FAM177B: variants seen among roughly 807,000 people sequenced by gnomAD.
The protein encoded by FAM177B is protein FAM177B.
A neutral mutation model predicts 16.1 loss-of-function variants in FAM177B; 16 were observed. The observed-to-expected ratio is 0.99, with a 90% CI of 0.67 to 1.51. FAM177B has a LOEUF of 1.51. Ranked by LOEUF, FAM177B falls within the 40% of genes most tolerant of loss-of-function variation. The pLI, the probability that FAM177B is intolerant of heterozygous loss-of-function variation, is 0.00. For synonymous variants in FAM177B, 56 were observed against 59.9 expected, an observed-to-expected ratio of 0.93 and a Z score of 0.30; for missense variants, 178 against 183.7, an observed-to-expected ratio of 0.97 and a Z score of 0.18.
At position 222,750,231 on chromosome 1, in the gene FAM177B, C is replaced by G. The variant is rs1267407290; in HGVS notation, c.*173C>G. The G allele has an allele frequency of 2.9e-5, 41 of 1,411,046 alleles. No individual in the cohort carries two copies. Among genetic ancestry groups the G allele is most frequent in the Non-Finnish European group, 3.6e-5 (39 of 1,086,638 alleles). The allele number at this position is 1,411,046 out of a possible 1,614,324, so 87.4% of individuals were successfully genotyped here. A position where few individuals can be genotyped will look rare whatever the true frequency, so the allele number is the denominator to read the frequency against. ...TCTGTGTGACTTAGTCTCAAGCATC[C>G]AGGAATTACAAGCAATAATGAGAGT... On this transcript the variant is annotated 3_prime_UTR_variant, in exon 6 of 6. Transcript: ENST00000445590.
At chr1:222,749,228 G>A in intron 4 of FAM177B, 1 of 468,602 alleles carries the variant, frequency 2.1e-6, no homozygotes, top group South Asian at 2.5e-5. Flanking sequence ...ATATACATCT[G>A]GAAAAAATAG....
Position 222,750,134 on chromosome 1 carries a change from T to G in FAM177B, c.*76T>G. On this transcript the variant is annotated 3_prime_UTR_variant, in exon 6 of 6. Coordinates refer to ENST00000445590, the MANE Select transcript of FAM177B (RefSeq NM_001394345.1). ...GCAAAGACTGCAGTTTCCCTGGATC[T>G]GTTCCTTGGCCATTGATTACCATGG... 6.4e-7 allele frequency: 1 copy of G among 1,565,624 alleles called. No individual in the cohort carries two copies. The highest frequency in any genetic ancestry group is 2.4e-4 in the Middle Eastern group (1 of 4,230).
Position 222,749,058 on chromosome 1 carries a change from G to A in FAM177B, c.242-407G>A, listed in dbSNP as rs777254675. 57 of 472,162 alleles carry A rather than the reference G, an allele frequency of 1.2e-4. 1 individual carries two copies. Among genetic ancestry groups the A allele is most frequent in the Middle Eastern group, 6.5e-4 (2 of 3,100 alleles). 29.2% of individuals were successfully genotyped at this position (472,162 alleles called of 1,614,324 possible). A position where few individuals can be genotyped will look rare whatever the true frequency, so the allele number is the denominator to read the frequency against. On this transcript the variant is annotated intron_variant, in intron 4 of 5. Transcript: ENST00000445590. ...CTGGATGCATGGAAGAATTCCTGAT[G>A]TGGGTCTTGGTAACACTGGATTGAG...
intron 2 of FAM177B, among the ~76,000 whole-genome samples, chr1:222,738,637 C>G (rs1353760412): frequency 2.0e-5 from 3 of 150,388 alleles, no homozygotes; most frequent in Non-Finnish European, 3.0e-5. Flanking sequence ...CTGCACCACT[C>G]CAGCCTGGGC....
At position 222,741,928 on chromosome 1, in the gene FAM177B, CTCTT is replaced by C. The variant is rs1205750338; in HGVS notation, c.-16+3930_-16+3933del. ...TCCCTCTCTCTCTCTCTCTCTCTCT[CTCTT>C]TCTTTCTTTCTTTCTTTCTTTCCTT... On this transcript the variant is annotated intron_variant, in intron 2 of 5. Coordinates refer to ENST00000445590, the MANE Select transcript of FAM177B (RefSeq NM_001394345.1). 1.4e-3 allele frequency among the ~76,000 whole-genome samples: 117 copies of C among 84,726 alleles called. 1 individual carries two copies. Among genetic ancestry groups the C allele is most frequent in the Middle Eastern group, 0.015 (2 of 130 alleles). 55.6% of individuals were successfully genotyped at this position (84,726 alleles called of 152,430 possible).
intron 2 of FAM177B, among the ~76,000 whole-genome samples, chr1:222,740,549 A>G (rs1658475851): frequency 1.3e-5 from 2 of 152,000 alleles, no homozygotes; most frequent in Non-Finnish European, 2.9e-5. Context: ...TTACCTTTCA[A>G]TTGTTAATAT....
At chr1:222,743,964 T>A (rs1385567308) in intron 2 of FAM177B, among the ~76,000 whole-genome samples, 3 of 152,142 alleles carry the variant, frequency 2.0e-5, no homozygotes, top group Non-Finnish European at 4.4e-5. Flanking sequence ...TTCTGACATC[T>A]AGGCTGGCTG....
intron 2 of FAM177B, among the ~76,000 whole-genome samples, chr1:222,738,745 C>T (rs1234327025): frequency 6.6e-6 from 1 of 152,108 alleles, no homozygotes; most frequent in East Asian, 1.9e-4. Flanking sequence ...GTGAAGCTGG[C>T]AATGTTCCCA....
Position 222,750,277 on chromosome 1 carries a change from A to T in FAM177B, c.*219A>T. 7.4e-7 allele frequency: 1 copy of T among 1,352,096 alleles called. No individual in the cohort carries two copies. Among genetic ancestry groups the T allele is most frequent in the Non-Finnish European group, 9.5e-7 (1 of 1,056,256 alleles). 83.8% of individuals were successfully genotyped at this position (1,352,096 alleles called of 1,614,324 possible). Reference sequence around the variant, plus strand: ...AGAGTAATTTTGGACACTTTCTCAGAATAATTTCTATATTCAAGCCACCCC... The same window carrying T: ...AGAGTAATTTTGGACACTTTCTCAGTATAATTTCTATATTCAAGCCACCCC... On this transcript the variant is annotated 3_prime_UTR_variant, in exon 6 of 6. Transcript: ENST00000445590.
chr1:222,749,860 G>A (rs1375668909), intron 5 of FAM177B, 61 bp from the exon 6 acceptor site: 1 of 1,545,524 alleles, frequency 6.5e-7, no homozygotes, highest in Non-Finnish European at 8.9e-7. Context: ...ATATACAAGA[G>A]GGGGAGTTCA....
At chr1:222,744,904 G>A (rs999310626) in intron 2 of FAM177B, among the ~76,000 whole-genome samples, 7 of 152,088 alleles carry the variant, frequency 4.6e-5, no homozygotes, top group South Asian at 2.1e-4. Context: ...GAACACTTCC[G>A]TCACCCCAAA....
At chr1:222,745,874 A>C (rs1250358212) in intron 2 of FAM177B, among the ~76,000 whole-genome samples, 3 of 152,242 alleles carry the variant, frequency 2.0e-5, no homozygotes, top group Admixed American at 2.0e-4. Context: ...AGATCACGCC[A>C]TTGCACTCCA....
Position 222,749,451 on chromosome 1 carries a change from G to C in FAM177B, c.242-14G>C, listed in dbSNP as rs151202441. The C allele has an allele frequency of 6.5e-7, 1 of 1,544,318 alleles. No individual in the cohort carries two copies. The highest frequency in any genetic ancestry group is 1.1e-5 in the South Asian group (1 of 87,522). ...AGTAATTCAGTTTACGCAAGTGCTC[G>C]TTCTTTCTTTTAGCATGTGAATTCC... is the stretch of plus-strand genomic sequence containing the variant. On this transcript the variant is annotated splice_polypyrimidine_tract_variant and intron_variant, in intron 4 of 5. Transcript: ENST00000445590.
intron 2 of FAM177B, among the ~76,000 whole-genome samples, chr1:222,741,067 T>TG (rs1330801592): frequency 7.2e-6 from 1 of 139,386 alleles, no homozygotes; most frequent in African/African-American, 2.7e-5. Flanking sequence ...CTTTTTTTTT[T>TG]TTTTTTTTTT....
At position 222,749,454 on chromosome 1, in the gene FAM177B, C is replaced by T. The variant is rs1553305175; in HGVS notation, c.242-11C>T. The T allele has an allele frequency of 8.3e-6, 13 of 1,563,314 alleles. No homozygotes were observed. The highest frequency in any genetic ancestry group is 3.5e-5 in the Admixed American group (2 of 57,488). ...AATTCAGTTTACGCAAGTGCTCGTT[C>T]TTTCTTTTAGCATGTGAATTCCTTG... On this transcript the variant is annotated splice_polypyrimidine_tract_variant and intron_variant, in intron 4 of 5. Coordinates refer to ENST00000445590, the MANE Select transcript of FAM177B (RefSeq NM_001394345.1).
rs537908046 is a variant in FAM177B at position 222,737,562 on chromosome 1, G to A, written c.-134+240G>A. Among the ~76,000 whole-genome samples, 11 of 152,320 alleles carry A rather than the reference G, an allele frequency of 7.2e-5. No homozygotes were observed. The South Asian group carries it at 2.3e-3, about 32-fold the overall frequency. ...GAATTGCAGGAAGAAGGCCCGTGGG[G>A]TTAGAGTGATGTCAGTGGTGGGAGA... On this transcript the variant is annotated intron_variant, in intron 1 of 5. Transcript: ENST00000445590.
rs186758700 is a variant in FAM177B, at chr1:222,740,845, G to T, written c.-16+2824G>T. Among the ~76,000 whole-genome samples the T allele has an allele frequency of 1.5e-3, 225 of 151,144 alleles. 6 individuals are homozygous for T. In the South Asian group the frequency reaches 0.021, roughly 14 times the overall value. On this transcript the variant is annotated intron_variant, in intron 2 of 5. Coordinates refer to ENST00000445590, the MANE Select transcript of FAM177B (RefSeq NM_001394345.1). ...CTCCCGAGTAGCTGGGACTACAGGC[G>T]CCCACCACTATGCCCAGCTAATTTT...
intron 2 of FAM177B, among the ~76,000 whole-genome samples, chr1:222,742,973 T>C (rs1411355558): frequency 6.6e-6 from 1 of 152,214 alleles, no homozygotes; most frequent in Admixed American, 6.5e-5. Context: ...CAACCTAATG[T>C]TAAGCACACT....
intron 2 of FAM177B, among the ~76,000 whole-genome samples, chr1:222,741,924 C>T (rs1439137692): frequency 1.2e-4 from 12 of 104,336 alleles, no homozygotes; most frequent in South Asian, 3.8e-4. Flanking sequence ...CTCTCTCTCT[C>T]TCTCTCTTTC....
Sources: allele counts gnomAD v4.1 joint callset (sites outside exome capture counted in the v4.1 genomes callset), GRCh38; gene constraint gnomAD v4.1.1; transcripts MANE v1.5; gene names NCBI Gene and HGNC (gene_info 2026-07-23, HGNC 2026-07-21).